TSPAN9: variants seen among roughly 807,000 people sequenced by gnomAD.
The protein encoded by TSPAN9 is tetraspanin 9, also known as tetraspanin-9.
Under a neutral mutation model 31.0 loss-of-function variants are expected in TSPAN9, and 16 were observed. The ratio of observed to expected loss-of-function variants is 0.52; its 90% confidence interval spans 0.35 to 0.78. The LOEUF is 0.78. TSPAN9 is among the 30% of genes least tolerant of loss of function. TSPAN9 has a pLI of 0.01. For missense variants in TSPAN9, 272 were observed against 312.5 expected (o/e 0.87, Z 0.98); for synonymous variants, 145 against 121.6 (o/e 1.19, Z -1.27).
chr12:3,203,650 C>T (rs1196876331), intron 3 of TSPAN9, among the ~76,000 whole-genome samples: 1 of 152,180 alleles, frequency 6.6e-6, no homozygotes, highest in African/African-American at 2.4e-5. Context: ...TCCAGAATTC[C>T]CATGACATGC....
intron 2 of TSPAN9, among the ~76,000 whole-genome samples, chr12:3,127,557 G>A (rs770035237): frequency 2.6e-5 from 4 of 151,880 alleles, no homozygotes; most frequent in South Asian, 2.1e-4. Context: ...GGGTTTCACC[G>A]TGTTAGCCAG....
At position 3,281,475 on chromosome 12, in the gene TSPAN9, A is replaced by G; in HGVS notation, c.564+146A>G. ...GGGCTCACAAAAATAAAGCCAAAAG[A>G]CAGGTGGAAAATGGGGGGTGGGGCT... On this transcript the variant is annotated intron_variant, in intron 7 of 8. Coordinates refer to ENST00000011898, the MANE Select transcript of TSPAN9 (RefSeq NM_006675.5). The G allele has an allele frequency of 5.6e-6, 4 of 718,168 alleles. No homozygotes were observed. The East Asian group carries it at 2.1e-4, about 37-fold the overall frequency. 44.5% of individuals were successfully genotyped at this position (718,168 alleles called of 1,614,324 possible).
chr12:3,161,801 ATCTATCTATCTATCTG>A (rs988416409), intron 2 of TSPAN9, among the ~76,000 whole-genome samples: 6 of 150,938 alleles, frequency 4.0e-5, no homozygotes, highest in African/African-American at 1.5e-4. Context: ...CTATCTATCT[ATCTATCTATCTATCTG>A]TCTGTCTGTT....
At chr12:3,142,777 A>G (rs1415589377) in intron 2 of TSPAN9, among the ~76,000 whole-genome samples, 49 of 152,202 alleles carry the variant, frequency 3.2e-4, no homozygotes, top group Admixed American at 3.2e-3. Context: ...TTAACATCCT[A>G]CATAATCATA....
chr12:3,196,890 T>C (rs2153972495), intron 2 of TSPAN9, among the ~76,000 whole-genome samples: 1 of 152,280 alleles, frequency 6.6e-6, no homozygotes, highest in Admixed American at 6.5e-5. Flanking sequence ...CCAGGGACAA[T>C]GAGGCAACTA....
At chr12:3,245,121 A>G (rs1433391844) in intron 3 of TSPAN9, among the ~76,000 whole-genome samples, 2 of 152,222 alleles carry the variant, frequency 1.3e-5, no homozygotes, top group African/African-American at 2.4e-5. Context: ...CAGCCCAGGC[A>G]GGTGCATTCC....
At chr12:3,217,455 A>G (rs540255982) in intron 3 of TSPAN9, among the ~76,000 whole-genome samples, 1 of 152,242 alleles carries the variant, frequency 6.6e-6, no homozygotes, top group South Asian at 2.1e-4. Flanking sequence ...GTTGCTGGGA[A>G]TGAGCCACTC....
rs1394941711 is a variant in TSPAN9 at position 3,143,608 on chromosome 12, G to T, written c.-17-57569G>T. ...AAAAAGTATAAATGTATGGATATAG[G>T]ATATATAATAAATATCAGGATATAT... On this transcript the variant is annotated intron_variant, in intron 2 of 8. Coordinates refer to ENST00000011898, the MANE Select transcript of TSPAN9 (RefSeq NM_006675.5). This position sits in a 1 kb window ranked among gnomAD's most constrained non-coding sequence, Gnocchi z 4.2. Among the ~76,000 whole-genome samples the T allele has an allele frequency of 6.6e-6, 1 of 152,050 alleles. No individual in the cohort carries two copies. The highest frequency in any genetic ancestry group is 2.4e-5 in the African/African-American group (1 of 41,396).
At chr12:3,158,277 C>T (rs1272965929) in intron 2 of TSPAN9, among the ~76,000 whole-genome samples, 1 of 152,192 alleles carries the variant, frequency 6.6e-6, no homozygotes, top group Non-Finnish European at 1.5e-5. Context: ...TTCAGTCTGT[C>T]TGCTGCCTGT....
rs57719008 is a variant in TSPAN9 at position 3,209,958 on chromosome 12, C to CAA, written c.63+8729_63+8730dup. 8.2e-4 allele frequency among the ~76,000 whole-genome samples: 41 copies of CAA among 49,758 alleles called. 3 individuals carry two copies. The highest frequency in any genetic ancestry group is 2.3e-3 in the African/African-American group (35 of 15,382). The allele number at this position is 49,758 out of a possible 152,430, so 32.6% of individuals were successfully genotyped here. A position where few individuals can be genotyped will look rare whatever the true frequency, so the allele number is the denominator to read the frequency against. Reference sequence around the variant, plus strand: ...TGGGCGACAGAGTGAGACTCTGTCCCAAAAAAAAAAAAAAAAAAAAAAAAA... The same window carrying CAA: ...TGGGCGACAGAGTGAGACTCTGTCCCAAAAAAAAAAAAAAAAAAAAAAAAAAA... On this transcript the variant is annotated intron_variant, in intron 3 of 8. Transcript: ENST00000011898.
At chr12:3,226,722 G>A (rs1344638865) in intron 3 of TSPAN9, among the ~76,000 whole-genome samples, 1 of 2,366 alleles carries the variant, frequency 4.2e-4, no homozygotes, top group Non-Finnish European at 1.1e-3. Flanking sequence ...GTATGTATGT[G>A]TGTGTGTGTG....
chr12:3,146,530 C>T (rs570569160), intron 2 of TSPAN9, among the ~76,000 whole-genome samples: 54 of 152,278 alleles, frequency 3.5e-4, no homozygotes, highest in African/African-American at 9.6e-4. Context: ...ATCCAAGATC[C>T]GATTGATGAA....
chr12:3,144,095 ATTTATTTT>A (rs966498679), intron 2 of TSPAN9, among the ~76,000 whole-genome samples: 7 of 151,788 alleles, frequency 4.6e-5, no homozygotes, highest in Non-Finnish European at 1.0e-4. Context: ...TTATTTATTT[ATTTATTTT>A]TTATTTATTT....
chr12:3,165,589 A>T (rs543065665), intron 2 of TSPAN9, among the ~76,000 whole-genome samples: 1 of 152,254 alleles, frequency 6.6e-6, no homozygotes, highest in South Asian at 2.1e-4. Context: ...GTTTCTCCCC[A>T]TTGTACAGAA....
intron 2 of TSPAN9, among the ~76,000 whole-genome samples, chr12:3,097,192 T>A (rs7489068): frequency 0.2 from 30,695 of 152,168 alleles, 3,902 homozygotes; most frequent in South Asian, 0.38. Context: ...GTGACCCAGA[T>A]TCTGTCGTTT....
Position 3,191,828 on chromosome 12 carries a change from G to A in TSPAN9, c.-17-9349G>A, listed in dbSNP as rs150008798. The stretch of plus-strand genomic sequence containing the variant: ...GTAACATTGTCACCCTAACAAACAT[G>A]GATTTTCCAATGATGGTGACTGCTA... On this transcript the variant is annotated intron_variant, in intron 2 of 8. Transcript: ENST00000011898. 2.0e-5 allele frequency among the ~76,000 whole-genome samples: 3 copies of A among 152,238 alleles called. No individual in the cohort carries two copies. The East Asian group carries it at 5.8e-4, about 29-fold the overall frequency.
chr12:3,266,191 T>A (rs866225226), intron 3 of TSPAN9, among the ~76,000 whole-genome samples: 2 of 152,140 alleles, frequency 1.3e-5, no homozygotes, highest in African/African-American at 4.8e-5. Flanking sequence ...CTGGCTTTCA[T>A]GGGAAAGAGC....
chr12:3,098,347 T>C (rs772761336), intron 2 of TSPAN9, among the ~76,000 whole-genome samples: 7 of 152,154 alleles, frequency 4.6e-5, no homozygotes, highest in Non-Finnish European at 7.3e-5. Flanking sequence ...CTCAGCTGGG[T>C]TGTTCCCATG....
chr12:3,158,625 A>G (rs551232803), intron 2 of TSPAN9, among the ~76,000 whole-genome samples: 44 of 148,412 alleles, frequency 3.0e-4, no homozygotes, highest in South Asian at 1.3e-3. Flanking sequence ...GGGAGGCTGA[A>G]GCAGGAGAAT....
Sources: gnomAD v4.1 joint callset for allele counts (sites outside exome capture counted in the v4.1 genomes callset) on GRCh38, gnomAD v4.1.1 for gene constraint, Gnocchi (gnomAD v3.1) non-coding constraint, MANE v1.5 for transcripts, NCBI Gene and HGNC (gene_info 2026-07-23, HGNC 2026-07-21) for gene names.